The following LCN12 variants were observed in gnomAD, a reference collection of about 807,000 sequenced individuals.
LCN12 encodes the protein epididymal-specific lipocalin-12.
Under a neutral mutation model 23.7 loss-of-function variants are expected in LCN12, and 15 were observed. The observed-to-expected ratio is 0.63, with a 90% CI of 0.42 to 0.97. LCN12 has a LOEUF of 0.97. Ranked by LOEUF, LCN12 falls within the 50% of genes least tolerant of loss-of-function variation. The probability of loss-of-function intolerance (pLI) is 0.00; values close to 1 mark genes in which losing one functional copy is unlikely to be tolerated. For missense variants in LCN12, 219 were observed against 249.6 expected (o/e 0.88, Z 0.83); for synonymous variants, 116 against 111.5 (o/e 1.04, Z -0.25).
intron 5 of LCN12, chr9:136,954,883 C>T (rs1412135125): frequency 2.4e-5 from 30 of 1,231,262 alleles, no homozygotes; most frequent in Non-Finnish European, 2.9e-5. Flanking sequence ...TTCTGATTCC[C>T]GCCTCTGGTC....
At chr9:136,953,637 C>A in intron 2 of LCN12, 63 bp from the exon 3 acceptor site, 1 of 1,258,648 alleles carries the variant, frequency 7.9e-7, no homozygotes, top group Non-Finnish European at 1.1e-6. Context: ...TCCTGAGGGG[C>A]CCACCTCAGC....
At chr9:136,949,302 G>C (rs927686072), upstream of LCN12, among the ~76,000 whole-genome samples, 1 of 152,206 alleles carries the variant, frequency 6.6e-6, no homozygotes. Context: ...CAAGACCTGC[G>C]GGGTCAGGAG....
At chr9:136,951,782 C>T (rs1418644297), upstream of LCN12, among the ~76,000 whole-genome samples, 1 of 152,262 alleles carries the variant, frequency 6.6e-6, no homozygotes, top group Non-Finnish European at 1.5e-5. Flanking sequence ...TGTTCTTGCT[C>T]CAGGGCCACG....
rs754540605 is a variant in LCN12, at chr9:136,955,362, C to G, written c.551-9C>G. ...TTGTCCTCCATCCCGACTCCATCTCCCCCACCAGGCTGGTCACCCCAGGCC... is the reference window on the plus strand; with the variant it reads ...TTGTCCTCCATCCCGACTCCATCTCGCCCACCAGGCTGGTCACCCCAGGCC... On this transcript the variant is annotated splice_polypyrimidine_tract_variant and intron_variant, in intron 5 of 5. Transcript: ENST00000371633. 5 of 1,613,164 alleles carry G rather than the reference C, an allele frequency of 3.1e-6. No individual in the cohort carries two copies. Among genetic ancestry groups the G allele is most frequent in the Non-Finnish European group, 4.2e-6 (5 of 1,179,622 alleles).
chr9:136,954,995 ACT>A (rs1851289951), intron 5 of LCN12: 1 of 1,340,292 alleles, frequency 7.5e-7, no homozygotes, highest in Non-Finnish European at 9.6e-7. Context: ...CACACACGCC[ACT>A]CACACTGGCA....
intron 5 of LCN12, 62 bp from the exon 6 acceptor site, chr9:136,955,309 C>T: frequency 1.9e-6 from 3 of 1,584,746 alleles, no homozygotes; most frequent in Non-Finnish European, 2.6e-6. Context: ...CCCTTGCTTC[C>T]TCCTGGGCTC....
chr9:136,949,318 G>A (rs1851097433), upstream of LCN12, among the ~76,000 whole-genome samples: 1 of 152,230 alleles, frequency 6.6e-6, no homozygotes, highest in South Asian at 2.1e-4. Context: ...AGGAGTCCAG[G>A]ACTGTCCTGG....
chr9:136,954,061 G>A, intron 4 of LCN12, 93 bp from the exon 5 acceptor site: 1 of 1,537,298 alleles, frequency 6.5e-7, no homozygotes. Context: ...CGCCTGGAGT[G>A]ACTTGGGGGT....
At chr9:136,951,715 C>T (rs550110158), upstream of LCN12, among the ~76,000 whole-genome samples, 34 of 152,384 alleles carry the variant, frequency 2.2e-4, no homozygotes, top group East Asian at 3.7e-3. Flanking sequence ...CCTCCCTCCT[C>T]GCCTGCTCGG....
chr9:136,952,723 C>G, intron 1 of LCN12, 169 bp from the exon 2 acceptor site: 1 of 762,766 alleles, frequency 1.3e-6, no homozygotes, highest in South Asian at 1.8e-5. Context: ...ATGTCCCTGC[C>G]AGACCCAGAG....
At chr9:136,952,800 C>T in intron 1 of LCN12, 92 bp from the exon 2 acceptor site, 1 of 1,468,880 alleles carries the variant, frequency 6.8e-7, no homozygotes, top group Non-Finnish European at 9.2e-7. Context: ...GTGAGGGGTC[C>T]AGAAGCTGCC....
chr9:136,952,766 C>T (rs909311107), intron 1 of LCN12, 126 bp from the exon 2 acceptor site: 21 of 1,136,568 alleles, frequency 1.8e-5, no homozygotes, highest in African/African-American at 6.2e-5. Context: ...TCCCTGGCGC[C>T]GGCCCAGCCA....
intron 5 of LCN12, chr9:136,955,128 G>T: frequency 1.4e-6 from 2 of 1,417,432 alleles, no homozygotes; most frequent in Non-Finnish European, 1.8e-6. Context: ...ATGGGGACAG[G>T]GACAGGTGAG....
intron 2 of LCN12, chr9:136,953,324 G>A (rs1851214513): frequency 2.0e-6 from 1 of 504,510 alleles, no homozygotes; most frequent in Non-Finnish European, 3.6e-6. Context: ...AGGACTTCAG[G>A]GGCCGGGCGC....
downstream of LCN12, among the ~76,000 whole-genome samples, chr9:136,955,845 C>G (rs534107234): frequency 1.3e-5 from 2 of 152,302 alleles, no homozygotes; most frequent in East Asian, 3.9e-4. Flanking sequence ...GAGCTTGCCC[C>G]GGAAACACTC....
In LCN12 at chr9:136,953,693, C is replaced by A; in HGVS notation, c.252-7C>A. On this transcript the variant is annotated splice_polypyrimidine_tract_variant and splice_region_variant and intron_variant, in intron 2 of 5. Coordinates refer to ENST00000371633, the MANE Select transcript of LCN12 (RefSeq NM_178536.4). ...AGCCTTCCGCCTCCACCTGTCCCCT[C>A]CTACAGAGGCCAGCACTGTGACACA... is the stretch of plus-strand genomic sequence containing the variant. 1 of 1,576,492 alleles carries A rather than the reference C, an allele frequency of 6.3e-7. No individual in the cohort carries two copies. The highest frequency in any genetic ancestry group is 8.6e-7 in the Non-Finnish European group (1 of 1,160,180).
At chr9:136,956,443 T>C (rs1208853210), downstream of LCN12, among the ~76,000 whole-genome samples, 1 of 152,204 alleles carries the variant, frequency 6.6e-6, no homozygotes, top group Non-Finnish European at 1.5e-5. Flanking sequence ...GCAGACAGAC[T>C]GGAATTCCTC....
rs1363458859 is a variant in LCN12, at chr9:136,954,199, G to A, written c.494G>A (p.Cys165Tyr). The change falls in exon 5 of 6, where the codon TGC becomes TAC. Residue 165 changes from cysteine (C) to tyrosine (Y), a missense_variant. Physicochemically the swap from Cys to Tyr is radical, Grantham distance 194. Coordinates refer to ENST00000371633, the MANE Select transcript of LCN12 (RefSeq NM_178536.4). ...CCCGGGACGCTGGACCAGTTCATCTGCCTGGGCAGAGCTCAGGGCCTCTCG... is the reference window on the plus strand; with the variant it reads ...CCCGGGACGCTGGACCAGTTCATCTACCTGGGCAGAGCTCAGGGCCTCTCG... Reference protein sequence around the residue: ...LPPGTLDQFICLGRAQGLSDD... With the variant: ...LPPGTLDQFIYLGRAQGLSDD... The A allele has an allele frequency of 8.2e-6, 13 of 1,576,530 alleles. No individual in the cohort carries two copies. The highest frequency in any genetic ancestry group is 1.4e-5 in the African/African-American group (1 of 73,996).
chr9:136,951,456 T>C (rs1851149585), upstream of LCN12: 1 of 152,308 alleles, frequency 6.6e-6, no homozygotes, highest in Non-Finnish European at 1.5e-5. Context: ...AGTCTCGCTA[T>C]GTTGTCCAGG....
Sources: allele counts gnomAD v4.1 joint callset (sites outside exome capture counted in the v4.1 genomes callset), GRCh38; gene constraint gnomAD v4.1.1; transcripts MANE v1.5; gene names NCBI Gene and HGNC (gene_info 2026-07-23, HGNC 2026-07-21).